Variants in NAV2 observed in about 807,000 individuals in gnomAD.
The protein encoded by NAV2 is neuron navigator 2.
A neutral mutation model predicts 223.2 loss-of-function variants in NAV2; 54 were observed. The ratio of observed to expected loss-of-function variants is 0.24; its 90% CI spans 0.19 to 0.30. The LOEUF (loss-of-function observed/expected upper bound fraction) is 0.30, where lower values mean the gene tolerates loss of function less well. Ranked by LOEUF, NAV2 falls within the 10% of genes least tolerant of loss-of-function variation. The pLI is 1.00. For missense variants in NAV2, 2,806 were observed against 3,147.5 expected (o/e 0.89, Z 2.60); for synonymous variants, 1,279 against 1,239.3 (o/e 1.03, Z -0.67).
intron 1 of NAV2, among the ~76,000 whole-genome samples, chr11:19,791,930 C>G (rs1304851303): frequency 6.6e-6 from 1 of 152,152 alleles, no homozygotes; most frequent in Non-Finnish European, 1.5e-5. Flanking sequence ...TAGGTGCTAA[C>G]AGAGTGCCTG....
At chr11:19,839,477 C>T (rs1256945738) in intron 2 of NAV2, among the ~76,000 whole-genome samples, 1 of 152,164 alleles carries the variant, frequency 6.6e-6, no homozygotes. Context: ...AGCTTCTTTT[C>T]CACCACCATT....
rs192730544 is a variant in NAV2, at chr11:19,829,316, G to A, written c.268-3168G>A. On this transcript the variant is annotated intron_variant, in intron 1 of 37. Transcript: ENST00000349880. ...CCTTGCTTTATATACCAGCCTGGCC[G>A]GTTTCTGACTTGTTTTTCTTTGACA... Among the ~76,000 whole-genome samples the A allele has an allele frequency of 2.2e-3, 341 of 152,220 alleles. 1 individual carries two copies. The highest frequency in any genetic ancestry group is 2.6e-3 in the African/African-American group (110 of 41,528).
At chr11:19,626,796 G>A (rs933992793) in intron 1 of NAV2, among the ~76,000 whole-genome samples, 9 of 151,984 alleles carry the variant, frequency 5.9e-5, no homozygotes, top group Non-Finnish European at 7.4e-5. Flanking sequence ...AATAACATAG[G>A]TTTTAGTGTC....
At chr11:19,975,706 C>T (rs1034668411) in intron 10 of NAV2, among the ~76,000 whole-genome samples, 4 of 152,154 alleles carry the variant, frequency 2.6e-5, no homozygotes, top group African/African-American at 7.2e-5. Context: ...ATGCCATGAG[C>T]CACTGCGGAA....
chr11:20,032,216 G>T (rs1366032945), intron 11 of NAV2, among the ~76,000 whole-genome samples: 3 of 152,152 alleles, frequency 2.0e-5, no homozygotes, highest in African/African-American at 7.2e-5. Flanking sequence ...CTTCCCTCGT[G>T]TCACTGCCCT....
chr11:19,993,575 C>G (rs2051555726), intron 11 of NAV2, among the ~76,000 whole-genome samples: 2 of 151,932 alleles, frequency 1.3e-5, no homozygotes, highest in Admixed American at 1.3e-4. Context: ...TTGATGTTTC[C>G]CCCCTCCCCC....
At chr11:19,596,987 C>A (rs1253816799) in intron 1 of NAV2, among the ~76,000 whole-genome samples, 1 of 152,200 alleles carries the variant, frequency 6.6e-6, no homozygotes, top group Non-Finnish European at 1.5e-5. Context: ...GTGGCCACAC[C>A]TAGCTGGCCC....
intron 18 of NAV2, among the ~76,000 whole-genome samples, chr11:20,055,111 G>A (rs998960111): frequency 1.4e-4 from 21 of 152,178 alleles, no homozygotes; most frequent in Non-Finnish European, 5.9e-5. Flanking sequence ...TGAATATAGT[G>A]AATAACAAAT....
intron 1 of NAV2, among the ~76,000 whole-genome samples, chr11:19,714,934 G>A (rs2050180027): frequency 6.6e-6 from 1 of 152,184 alleles, no homozygotes; most frequent in African/African-American, 2.4e-5. Flanking sequence ...CGACCTGACG[G>A]ATGTGACTGT....
intron 1 of NAV2, among the ~76,000 whole-genome samples, chr11:19,574,766 T>C (rs1236934269): frequency 6.6e-6 from 1 of 152,162 alleles, no homozygotes; most frequent in Non-Finnish European, 1.5e-5. Flanking sequence ...GAAAATAAAC[T>C]CTTTGAAAAG....
In NAV2 at chr11:20,120,010, G is replaced by A. The variant is rs767668802; in HGVS notation, c.*1752G>A. 6.6e-6 allele frequency: 1 copy of A among 152,130 alleles called. No individual in the cohort carries two copies. Among genetic ancestry groups the A allele is most frequent in the Non-Finnish European group, 1.5e-5 (1 of 68,008 alleles). The allele number at this position is 152,130 out of a possible 1,614,324, so 9.4% of individuals were successfully genotyped here. ...ACTGGTATTTTCATTACAAAGTATG[G>A]TAAATTTTTGAGTTGTTTGTTTCTG... is the stretch of plus-strand genomic sequence containing the variant. On this transcript the variant is annotated 3_prime_UTR_variant, in exon 38 of 38. Transcript: ENST00000349880.
At chr11:19,981,035 C>T (rs1214626162) in intron 10 of NAV2, among the ~76,000 whole-genome samples, 1 of 152,188 alleles carries the variant, frequency 6.6e-6, no homozygotes, top group African/African-American at 2.4e-5. Context: ...ATCACTCTGC[C>T]TGCCCTCCCT....
chr11:19,368,188 C>T (rs574498137), intron 1 of NAV2, among the ~76,000 whole-genome samples: 6 of 152,200 alleles, frequency 3.9e-5, no homozygotes, highest in African/African-American at 1.4e-4. Flanking sequence ...ATTCATGCAC[C>T]CTCAATGTCC....
intron 17 of NAV2, among the ~76,000 whole-genome samples, chr11:20,052,223 A>G (rs1168347649): frequency 3.3e-5 from 5 of 152,252 alleles, no homozygotes; most frequent in Non-Finnish European, 5.9e-5. Context: ...ATGTATGTCT[A>G]TAGTTAATAA....
intron 3 of NAV2, among the ~76,000 whole-genome samples, chr11:19,866,913 G>C (rs536453907): frequency 6.6e-6 from 1 of 152,058 alleles, no homozygotes; most frequent in Admixed American, 6.5e-5. Flanking sequence ...TCACTCACCA[G>C]CCATGTGCAA....
intron 1 of NAV2, among the ~76,000 whole-genome samples, chr11:19,781,455 C>T (rs888721534): frequency 4.6e-5 from 7 of 152,124 alleles, no homozygotes; most frequent in Non-Finnish European, 1.0e-4. Context: ...TTGGAAAACA[C>T]TTAAGGGGGC....
At chr11:19,475,187 T>G (rs1200225696) in intron 1 of NAV2, among the ~76,000 whole-genome samples, 1 of 152,244 alleles carries the variant, frequency 6.6e-6, no homozygotes. Flanking sequence ...GGATTGAGTC[T>G]CTCTTTCTGA....
upstream of NAV2, among the ~76,000 whole-genome samples, chr11:19,709,152 G>A (rs2049774082): frequency 6.6e-6 from 1 of 150,814 alleles, no homozygotes; most frequent in South Asian, 2.1e-4. Context: ...TTTATCCTAG[G>A]AGAAAAAATA....
At chr11:20,100,546 GGTGTGTGTGTGTGTGTGT>G (rs59857072) in intron 31 of NAV2, among the ~76,000 whole-genome samples, 18 of 141,762 alleles carry the variant, frequency 1.3e-4, no homozygotes, top group African/African-American at 3.2e-4. Context: ...ATACTAGAGG[GGTGTGTGTGTGTGTGTGT>G]GTGTGTGTGT....
Sources: allele counts gnomAD v4.1 joint callset (sites outside exome capture counted in the v4.1 genomes callset), GRCh38; gene constraint gnomAD v4.1.1; transcripts MANE v1.5; gene names NCBI Gene and HGNC (gene_info 2026-07-23, HGNC 2026-07-21).